Variants in FHIT observed in about 807,000 individuals in gnomAD.
FHIT encodes bis(5'-adenosyl)-triphosphatase.
Under a neutral mutation model 17.9 loss-of-function variants are expected in FHIT, and 19 were observed. That is an observed-to-expected ratio of 1.06 (90% CI 0.74 to 1.56). FHIT has a LOEUF of 1.56. FHIT is among the 40% of genes most tolerant of loss of function. FHIT has a pLI of 0.00. For missense variants in FHIT, 248 were observed against 189.2 expected, an observed-to-expected ratio of 1.31 and a Z score of -1.82; for synonymous variants, 81 against 69.7, an observed-to-expected ratio of 1.16 and a Z score of -0.81.
chr3:60,916,948 C>T (rs1001226116), intron 3 of FHIT, among the ~76,000 whole-genome samples: 3 of 152,086 alleles, frequency 2.0e-5, no homozygotes, highest in Non-Finnish European at 4.4e-5. Context: ...GAAATGACAA[C>T]ATTTTTGAAA....
intron 5 of FHIT, among the ~76,000 whole-genome samples, chr3:60,428,811 A>G (rs1702770169): frequency 6.6e-6 from 1 of 152,124 alleles, no homozygotes; most frequent in African/African-American, 2.4e-5. Context: ...GACAGTTAGA[A>G]TTTTCTTACG....
chr3:61,036,497 A>G (rs962156368), intron 3 of FHIT, among the ~76,000 whole-genome samples: 2 of 152,234 alleles, frequency 1.3e-5, no homozygotes, highest in African/African-American at 4.8e-5. Context: ...GGGCTGAACA[A>G]TAATTTGACC....
intron 4 of FHIT, among the ~76,000 whole-genome samples, chr3:60,621,726 A>G (rs781906100): frequency 2.6e-5 from 4 of 152,142 alleles, no homozygotes; most frequent in Non-Finnish European, 4.4e-5. Flanking sequence ...AATTAAGTCA[A>G]GATGAAAAGG....
chr3:59,820,094 C>G (rs575157097), intron 8 of FHIT, among the ~76,000 whole-genome samples: 2 of 152,294 alleles, frequency 1.3e-5, no homozygotes, highest in African/African-American at 4.8e-5. Context: ...TTTTAAATTA[C>G]CCAGGCTAAG....
intron 7 of FHIT, among the ~76,000 whole-genome samples, chr3:59,978,253 T>C (rs530474733): frequency 2.0e-5 from 3 of 152,096 alleles, no homozygotes; most frequent in Non-Finnish European, 4.4e-5. Flanking sequence ...CTCGCTAAAG[T>C]TTGTGGTCTT....
chr3:60,607,132 T>C (rs1423037840), intron 4 of FHIT, among the ~76,000 whole-genome samples: 2 of 152,168 alleles, frequency 1.3e-5, no homozygotes, highest in Non-Finnish European at 2.9e-5. Flanking sequence ...CTCTTCCATA[T>C]GGCAGTCACT....
chr3:60,745,772 G>A lies in FHIT; in HGVS notation c.-18+76147C>T, dbSNP rs144900649. Among the ~76,000 whole-genome samples, 51 of 152,162 alleles carry A rather than the reference G, an allele frequency of 3.4e-4. No homozygotes were observed. The East Asian group carries it at 9.3e-3, about 28-fold the overall frequency. On this transcript the variant is annotated intron_variant, in intron 4 of 9. Coordinates refer to ENST00000492590, the MANE Select transcript of FHIT (RefSeq NM_002012.4). ...AGAGTCATCCAATGGCCCAAGAGTG[G>A]TACTAACTGTAATTCCTGATTCTGT... is the stretch of plus-strand genomic sequence containing the variant.
chr3:60,505,314 G>C (rs1298059884), intron 5 of FHIT, among the ~76,000 whole-genome samples: 1 of 152,158 alleles, frequency 6.6e-6, no homozygotes, highest in East Asian at 1.9e-4. Context: ...CTACTTACTA[G>C]GTGGGTGAGT....
At chr3:60,385,599 A>C (rs902424145) in intron 5 of FHIT, among the ~76,000 whole-genome samples, 1 of 152,204 alleles carries the variant, frequency 6.6e-6, no homozygotes, top group African/African-American at 2.4e-5. Context: ...TTTGTAACTG[A>C]AACAGGATCT....
intron 4 of FHIT, among the ~76,000 whole-genome samples, chr3:60,693,463 C>G (rs1233297051): frequency 6.6e-6 from 1 of 152,068 alleles, no homozygotes. Flanking sequence ...TCTGATGTGA[C>G]CAAGTAGATA....
chr3:60,381,219 T>A (rs894908882), intron 5 of FHIT, among the ~76,000 whole-genome samples: 1 of 152,140 alleles, frequency 6.6e-6, no homozygotes, highest in Non-Finnish European at 1.5e-5. Context: ...GGCTCACACC[T>A]GTAATCCCAG....
intron 7 of FHIT, among the ~76,000 whole-genome samples, chr3:60,002,152 G>A (rs1039931736): frequency 6.6e-6 from 1 of 152,134 alleles, no homozygotes; most frequent in Non-Finnish European, 1.5e-5. Context: ...CATTTTTCAT[G>A]TAACGTCAGG....
intron 3 of FHIT, among the ~76,000 whole-genome samples, chr3:60,962,424 C>T (rs183624388): frequency 3.9e-5 from 6 of 152,306 alleles, no homozygotes; most frequent in African/African-American, 1.2e-4. Flanking sequence ...CACTTTATTT[C>T]TTTCTCTTGC....
chr3:60,206,171 A>AATAATTATTATT (rs1559727175), intron 5 of FHIT, among the ~76,000 whole-genome samples: 2 of 143,934 alleles, frequency 1.4e-5, no homozygotes, highest in South Asian at 4.3e-4. Context: ...TAATAATAAT[A>AATAATTATTATT]ATTATAACAC....
chr3:59,942,773 C>A (rs2107273371), intron 7 of FHIT, among the ~76,000 whole-genome samples: 1 of 152,218 alleles, frequency 6.6e-6, no homozygotes, highest in East Asian at 1.9e-4. Context: ...CTCAGGCTCC[C>A]AAAAAGCTTG....
rs115223909 is a variant in FHIT, at chr3:60,192,918, G to A, written c.104-178766C>T. Among the ~76,000 whole-genome samples the A allele has an allele frequency of 2.4e-3, 370 of 152,264 alleles. 2 individuals carry two copies. The highest frequency in any genetic ancestry group is 4.3e-3 in the Non-Finnish European group (293 of 68,014). ...TTGAATGACACAAGTTTCTACTGAAGTGATTGGTCTGCCACTTCCACTGCC... is the reference window on the plus strand; with the variant it reads ...TTGAATGACACAAGTTTCTACTGAAATGATTGGTCTGCCACTTCCACTGCC... On this transcript the variant is annotated intron_variant, in intron 5 of 9. Transcript: ENST00000492590.
chr3:59,793,407 G>A (rs550874588), intron 8 of FHIT, among the ~76,000 whole-genome samples: 19 of 152,210 alleles, frequency 1.2e-4, no homozygotes, highest in Non-Finnish European at 2.8e-4. Flanking sequence ...AATTGACACT[G>A]TGTTCGTGAT....
intron 4 of FHIT, among the ~76,000 whole-genome samples, chr3:60,738,064 C>CTGCA (rs1450076717): frequency 1.2e-4 from 19 of 152,126 alleles, no homozygotes; most frequent in South Asian, 6.2e-4. Flanking sequence ...CTGTGGGACT[C>CTGCA]TGCATACTGA....
In FHIT at chr3:60,797,862, C is replaced by G. The variant is rs549449397; in HGVS notation, c.-18+24057G>C. Among the ~76,000 whole-genome samples, 3 of 151,586 alleles carry G rather than the reference C, an allele frequency of 2.0e-5. No homozygotes were observed. The South Asian group carries it at 6.3e-4, about 32-fold the overall frequency. On this transcript the variant is annotated intron_variant, in intron 4 of 9. Coordinates refer to ENST00000492590, the MANE Select transcript of FHIT (RefSeq NM_002012.4). The stretch of plus-strand genomic sequence containing the variant: ...CATTCTTCATTTTGCTTTTTAAATT[C>G]TAATGTATAATTTTGAATATTGTGC...
Sources: gnomAD v4.1 joint callset for allele counts (sites outside exome capture counted in the v4.1 genomes callset) on GRCh38, gnomAD v4.1.1 for gene constraint, MANE v1.5 for transcripts, NCBI Gene and HGNC (gene_info 2026-07-23, HGNC 2026-07-21) for gene names.